The following KCNT2 variants were observed in gnomAD, a reference collection of about 807,000 sequenced individuals.
KCNT2 encodes the protein potassium sodium-activated channel subfamily T member 2.
KCNT2 carries 67 observed loss-of-function variants against 153.8 expected under a neutral mutation model. That is an observed-to-expected ratio of 0.44 (90% CI 0.36 to 0.53). The LOEUF (loss-of-function observed/expected upper bound fraction) is 0.53. KCNT2 is among the 20% of genes least tolerant of loss of function. The pLI is 0.00. For synonymous variants in KCNT2, 500 were observed against 458.8 expected (o/e 1.09, Z -1.15); for missense variants, 975 against 1,354.8 (o/e 0.72, Z 4.40).
At chr1:196,364,341 C>T (rs554013116) in intron 14 of KCNT2, among the ~76,000 whole-genome samples, 3 of 152,128 alleles carry the variant, frequency 2.0e-5, no homozygotes, top group African/African-American at 7.2e-5. Context: ...TCCTTGAATA[C>T]GTAATTTTAT....
intron 10 of KCNT2, among the ~76,000 whole-genome samples, chr1:196,427,150 A>C (rs1205935263): frequency 1.3e-5 from 2 of 152,048 alleles, no homozygotes; most frequent in Admixed American, 1.3e-4. Flanking sequence ...ATAAATAATT[A>C]AAAAAACAAG....
chr1:196,304,861 A>AC (rs1661487825), intron 22 of KCNT2, among the ~76,000 whole-genome samples: 1 of 152,072 alleles, frequency 6.6e-6, no homozygotes. Context: ...AGTCTCCCCT[A>AC]CCTAGGTAAG....
chr1:196,348,956 A>G (rs1666376317), intron 14 of KCNT2, among the ~76,000 whole-genome samples: 1 of 151,988 alleles, frequency 6.6e-6, no homozygotes, highest in African/African-American at 2.4e-5. Context: ...AACAAAGGAA[A>G]GAAGAGAAAG....
chr1:196,321,564 C>A (rs1663314695), intron 19 of KCNT2, among the ~76,000 whole-genome samples: 1 of 151,916 alleles, frequency 6.6e-6, no homozygotes, highest in African/African-American at 2.4e-5. Context: ...AATGGGCAAG[C>A]AATGTGCCAA....
chr1:196,320,736 A>T (rs1663219864), intron 19 of KCNT2, among the ~76,000 whole-genome samples: 1 of 151,658 alleles, frequency 6.6e-6, no homozygotes, highest in Admixed American at 6.6e-5. Flanking sequence ...ACTTGTAAAG[A>T]ATACCATTAT....
intron 1 of KCNT2, among the ~76,000 whole-genome samples, chr1:196,512,131 C>T (rs1383549824): frequency 6.6e-6 from 1 of 152,136 alleles, no homozygotes; most frequent in African/African-American, 2.4e-5. Context: ...CACAGTTGAT[C>T]ATTTCATCAT....
In KCNT2 at chr1:196,512,554, T is replaced by C. The variant is rs547255004; in HGVS notation, c.96-20213A>G. Among the ~76,000 whole-genome samples the C allele has an allele frequency of 6.6e-5, 10 of 152,294 alleles. No individual in the cohort carries two copies. In the South Asian group the frequency reaches 2.1e-3, roughly 32 times the overall value. Reference sequence around the variant, plus strand: ...TGTTATACCTGAATCCTCTTTTAACTTGAGTGCATATTAATATTATTGTTT... The same window carrying C: ...TGTTATACCTGAATCCTCTTTTAACCTGAGTGCATATTAATATTATTGTTT... On this transcript the variant is annotated intron_variant, in intron 1 of 27. Coordinates refer to ENST00000294725, the MANE Select transcript of KCNT2 (RefSeq NM_198503.5).
At chr1:196,501,576 A>T (rs191363517) in intron 1 of KCNT2, among the ~76,000 whole-genome samples, 13 of 152,272 alleles carry the variant, frequency 8.5e-5, no homozygotes, top group African/African-American at 3.1e-4. Context: ...AAAAACAAGA[A>T]ATCGAAGACT....
intron 2 of KCNT2, 144 bp downstream of exon 2, chr1:196,492,117 AC>A (rs1219393607): frequency 1.6e-5 from 12 of 765,942 alleles, no homozygotes; most frequent in Non-Finnish European, 5.6e-6. Flanking sequence ...GGAAAAAATA[AC>A]CAATTTTATT....
intron 21 of KCNT2, among the ~76,000 whole-genome samples, chr1:196,306,787 T>G (rs896209432): frequency 1.1e-4 from 17 of 151,958 alleles, no homozygotes; most frequent in African/African-American, 4.1e-4. Context: ...TCTTGGCCAT[T>G]AGCACAAATG....
At chr1:196,334,493 T>TTTG (rs960444801) in intron 16 of KCNT2, among the ~76,000 whole-genome samples, 8 of 139,046 alleles carry the variant, frequency 5.8e-5, no homozygotes, top group African/African-American at 2.1e-4. Context: ...CTTTCTTTTT[T>TTTG]TTTTTTAAGA....
intron 8 of KCNT2, among the ~76,000 whole-genome samples, chr1:196,438,677 CAGGCT>C (rs146330454): frequency 0.017 from 2,653 of 151,906 alleles, 37 homozygotes; most frequent in Non-Finnish European, 0.028. Context: ...ATGTCAACAT[CAGGCT>C]AGTGACTTGT....
chr1:196,600,493 A>G (rs1174245575), intron 1 of KCNT2, among the ~76,000 whole-genome samples: 1 of 145,126 alleles, frequency 6.9e-6, no homozygotes, highest in Non-Finnish European at 1.5e-5. Flanking sequence ...ATATCAGAAA[A>G]GTTGTCACTA....
chr1:196,258,582 G>T, intron 25 of KCNT2, 88 bp from the exon 26 acceptor site: 2 of 1,011,960 alleles, frequency 2.0e-6, no homozygotes, highest in Non-Finnish European at 2.9e-6. Flanking sequence ...CTAATATATT[G>T]TTATATTTCT....
At chr1:196,517,196 A>C (rs1486573301) in intron 1 of KCNT2, among the ~76,000 whole-genome samples, 1 of 151,888 alleles carries the variant, frequency 6.6e-6, no homozygotes, top group African/African-American at 2.4e-5. Flanking sequence ...AGGTCCCAGT[A>C]CTCTCTTCTC....
intron 26 of KCNT2, among the ~76,000 whole-genome samples, chr1:196,256,460 C>A (rs1426578650): frequency 6.6e-6 from 1 of 151,876 alleles, no homozygotes; most frequent in Non-Finnish European, 1.5e-5. Context: ...TAATCAACAA[C>A]AGTGTTGACT....
chr1:196,568,240 A>G (rs1295429203), intron 1 of KCNT2, among the ~76,000 whole-genome samples: 3 of 152,060 alleles, frequency 2.0e-5, no homozygotes, highest in Non-Finnish European at 4.4e-5. Context: ...TCTCATAAGG[A>G]GCTCGCAACC....
intron 1 of KCNT2, among the ~76,000 whole-genome samples, chr1:196,525,638 G>T (rs182887700): frequency 1.3e-5 from 2 of 152,142 alleles, no homozygotes; most frequent in Admixed American, 1.3e-4. Context: ...TGGGAAGGTA[G>T]CTAAATTTGT....
At chr1:196,326,421 T>C (rs1663862600) in intron 19 of KCNT2, among the ~76,000 whole-genome samples, 1 of 152,058 alleles carries the variant, frequency 6.6e-6, no homozygotes, top group Non-Finnish European at 1.5e-5. Context: ...TTAAGGAAAA[T>C]TGCAGTAATT....
Sources: allele counts gnomAD v4.1 joint callset (sites outside exome capture counted in the v4.1 genomes callset), GRCh38; gene constraint gnomAD v4.1.1; transcripts MANE v1.5; gene names NCBI Gene and HGNC (gene_info 2026-07-23, HGNC 2026-07-21).